The following SHANK2 variants were observed in gnomAD, a reference collection of about 807,000 sequenced individuals.
SHANK2 encodes the protein SH3 and multiple ankyrin repeat domains protein 2.
SHANK2 carries 43 observed loss-of-function variants against 133.7 expected under a neutral mutation model. The ratio of observed to expected loss-of-function variants is 0.32; its 90% CI spans 0.25 to 0.41. The LOEUF (loss-of-function observed/expected upper bound fraction) is 0.41. Among genes scored for constraint, SHANK2 ranks in the 10% least tolerant of loss-of-function variants. The pLI is 1.00. For synonymous variants in SHANK2, 1,017 were observed against 952.8 expected (o/e 1.07, Z -1.24); for missense variants, 1,994 against 2,235.8 (o/e 0.89, Z 2.18).
At chr11:71,160,543 A>T (rs1262803825) in intron 2 of SHANK2, among the ~76,000 whole-genome samples, 1 of 152,164 alleles carries the variant, frequency 6.6e-6, no homozygotes, top group Non-Finnish European at 1.5e-5. Context: ...TCAGAAGGTA[A>T]CCCTCTGCAA....
intron 14 of SHANK2, among the ~76,000 whole-genome samples, chr11:70,746,203 C>T (rs1006273949): frequency 6.6e-6 from 1 of 152,236 alleles, no homozygotes. Context: ...GGCTGGGTAG[C>T]GTGCCCAGCC....
At chr11:70,678,879 A>G (rs1555017808) in intron 15 of SHANK2, among the ~76,000 whole-genome samples, 2 of 152,088 alleles carry the variant, frequency 1.3e-5, no homozygotes, top group East Asian at 1.9e-4. Context: ...TGTTTGGTCC[A>G]TGCCCCTGAC....
intron 2 of SHANK2, among the ~76,000 whole-genome samples, chr11:71,204,987 G>GCCTCCCTCCTC (rs1954100633): frequency 6.6e-6 from 1 of 152,014 alleles, no homozygotes; most frequent in Non-Finnish European, 1.5e-5. Flanking sequence ...TGTCAGCCTG[G>GCCTCCCTCCTC]CCTCCCTCCT....
chr11:70,515,652 A>AAC (rs1191361696), intron 17 of SHANK2, among the ~76,000 whole-genome samples: 4 of 151,028 alleles, frequency 2.6e-5, no homozygotes, highest in African/African-American at 9.7e-5. Context: ...AAAAAAAAAA[A>AAC]AAAAAAAACA....
At chr11:70,704,214 C>T (rs1384343088) in intron 14 of SHANK2, among the ~76,000 whole-genome samples, 1 of 152,254 alleles carries the variant, frequency 6.6e-6, no homozygotes, top group African/African-American at 2.4e-5. Flanking sequence ...CACAGCCATG[C>T]CTGGCTTCTC....
chr11:70,775,779 G>T (rs1385675564), intron 14 of SHANK2, among the ~76,000 whole-genome samples: 1 of 152,198 alleles, frequency 6.6e-6, no homozygotes, highest in Non-Finnish European at 1.5e-5. Flanking sequence ...CTCTACATAT[G>T]CCTGTCTTAA....
chr11:70,765,278 G>C (rs1555041102), intron 14 of SHANK2, among the ~76,000 whole-genome samples: 2 of 152,238 alleles, frequency 1.3e-5, no homozygotes, highest in African/African-American at 4.8e-5. Flanking sequence ...CCCTTGGCCA[G>C]CATGATTGGG....
At chr11:71,205,255 C>T (rs1268496304) in intron 2 of SHANK2, among the ~76,000 whole-genome samples, 1 of 152,210 alleles carries the variant, frequency 6.6e-6, no homozygotes, top group East Asian at 1.9e-4. Flanking sequence ...TCACAGTCAC[C>T]ACCCCGCATC....
intron 14 of SHANK2, among the ~76,000 whole-genome samples, chr11:70,767,509 A>C (rs1357106940): frequency 1.3e-5 from 2 of 152,212 alleles, no homozygotes; most frequent in Non-Finnish European, 2.9e-5. Flanking sequence ...CACAAAAGGA[A>C]GCACTACTCA....
At chr11:71,073,156 C>G (rs1251106532) in intron 9 of SHANK2, among the ~76,000 whole-genome samples, 1 of 40,778 alleles carries the variant, frequency 2.5e-5, no homozygotes, top group Non-Finnish European at 5.5e-5. Context: ...TCTTTTTTTT[C>G]TTTTTTTTCT....
chr11:70,704,843 G>A (rs530216509), intron 14 of SHANK2, among the ~76,000 whole-genome samples: 8 of 152,306 alleles, frequency 5.3e-5, no homozygotes, highest in African/African-American at 1.7e-4. Context: ...CCACCAGGGC[G>A]CATGTGGTCA....
chr11:70,925,964 C>T (rs1219537515), intron 10 of SHANK2, among the ~76,000 whole-genome samples: 2 of 152,150 alleles, frequency 1.3e-5, no homozygotes, highest in Non-Finnish European at 2.9e-5. Flanking sequence ...CTTATTTATA[C>T]ATATTGTTGA....
chr11:70,612,565 A>G (rs929038190), intron 17 of SHANK2, among the ~76,000 whole-genome samples: 7 of 152,214 alleles, frequency 4.6e-5, no homozygotes, highest in Non-Finnish European at 7.3e-5. Context: ...TGAAGTATGC[A>G]TACTGTACAG....
chr11:70,756,976 C>T (rs485430), intron 14 of SHANK2, among the ~76,000 whole-genome samples: 14,899 of 152,238 alleles, frequency 0.098, 1,241 homozygotes, highest in African/African-American at 0.22. Context: ...CTTGCGCCCC[C>T]GTCTGCAAAA....
chr11:70,873,065 C>T (rs1023824869), intron 11 of SHANK2: 6 of 471,144 alleles, frequency 1.3e-5, no homozygotes, highest in Middle Eastern at 3.2e-4. Context: ...CTCTGCCTCC[C>T]GGGTGGCGAC....
At chr11:70,493,465 T>G (rs1166633576) in intron 21 of SHANK2, among the ~76,000 whole-genome samples, 15 of 45,444 alleles carry the variant, frequency 3.3e-4, no homozygotes, top group Non-Finnish European at 7.3e-4. Flanking sequence ...TTGCAGCACA[T>G]TTTTTTTTTT....
intron 14 of SHANK2, among the ~76,000 whole-genome samples, chr11:70,759,836 G>A (rs1054075286): frequency 1.3e-5 from 2 of 152,194 alleles, no homozygotes; most frequent in African/African-American, 4.8e-5. Flanking sequence ...CAGACCCCAT[G>A]CCAGCAGCCA....
intron 21 of SHANK2, among the ~76,000 whole-genome samples, chr11:70,495,544 C>T (rs1223961202): frequency 6.6e-6 from 1 of 152,220 alleles, no homozygotes; most frequent in Non-Finnish European, 1.5e-5. Flanking sequence ...GTATTTTTCT[C>T]CAATGAAACG....
chr11:70,536,226 G>A (rs1375260979), intron 17 of SHANK2, among the ~76,000 whole-genome samples: 1 of 152,208 alleles, frequency 6.6e-6, no homozygotes, highest in South Asian at 2.1e-4. Context: ...TGGTCTGAGC[G>A]GAGCTCACAG....
Sources: gnomAD v4.1 joint callset for allele counts (sites outside exome capture counted in the v4.1 genomes callset) on GRCh38, gnomAD v4.1.1 for gene constraint, MANE v1.5 for transcripts, NCBI Gene and HGNC (gene_info 2026-07-23, HGNC 2026-07-21) for gene names.